POMT1: variants seen among roughly 807,000 people sequenced by gnomAD.
The protein encoded by POMT1 is protein O-mannosyltransferase 1.
In POMT1, 85 loss-of-function variants were observed where a neutral mutation model predicts 101.6. The observed-to-expected ratio is 0.84, with a 90% CI of 0.70 to 1.00. POMT1 has a LOEUF of 1.00. Among genes scored for constraint, POMT1 ranks in the 50% least tolerant of loss-of-function variants. The pLI, the probability that POMT1 is intolerant of heterozygous loss-of-function variation, is 0.00. For synonymous variants in POMT1, 371 were observed against 383.0 expected, an observed-to-expected ratio of 0.97 and a Z score of 0.37; for missense variants, 857 against 930.4, an observed-to-expected ratio of 0.92 and a Z score of 1.03.
intron 6 of POMT1, 70 bp downstream of exon 6, chr9:131,509,092 G>A (rs535678017): frequency 1.8e-6 from 2 of 1,097,566 alleles, no homozygotes; most frequent in East Asian, 2.4e-5. Flanking sequence ...ATCTGAGATG[G>A]TCCAGTACCT....
chr9:131,517,091 T>C (rs563004433), intron 13 of POMT1: 1 of 152,494 alleles, frequency 6.6e-6, no homozygotes, highest in South Asian at 2.1e-4. Context: ...CTTATTTCCA[T>C]AGTGAGGTCA....
chr9:131,511,562 G>A (rs1947120281), intron 10 of POMT1, 95 bp downstream of exon 10: 1 of 1,544,052 alleles, frequency 6.5e-7, no homozygotes, highest in Non-Finnish European at 8.9e-7. Flanking sequence ...GAGGAAGTTT[G>A]TTTGCAGGAC....
At chr9:131,520,449 G>T (rs561271471) in intron 17 of POMT1, among the ~76,000 whole-genome samples, 3 of 152,298 alleles carry the variant, frequency 2.0e-5, no homozygotes, top group African/African-American at 4.8e-5. Context: ...TTTTCCTGGC[G>T]AAAGTGGTTT....
chr9:131,507,261 A>G, intron 4 of POMT1, 107 bp from the exon 5 acceptor site: 2 of 1,562,326 alleles, frequency 1.3e-6, no homozygotes, highest in Non-Finnish European at 1.8e-6. Context: ...GTAAACGTGC[A>G]TTTTAGAGTC....
In POMT1 at chr9:131,507,349, A is replaced by G; in HGVS notation, c.281-19A>G. The G allele has an allele frequency of 3.1e-6, 5 of 1,614,014 alleles. No individual in the cohort carries two copies. The highest frequency in any genetic ancestry group is 4.2e-6 in the Non-Finnish European group (5 of 1,180,034). On this transcript the variant is annotated intron_variant, in intron 4 of 19. Transcript: ENST00000402686. ...GTGTGCACAGTGTAGTCAGCTCTGCAGTGTGGTTGCTTTTCCAGAATACAG... is the reference window on the plus strand; with the variant it reads ...GTGTGCACAGTGTAGTCAGCTCTGCGGTGTGGTTGCTTTTCCAGAATACAG...
intron 2 of POMT1, among the ~76,000 whole-genome samples, chr9:131,505,488 C>T (rs555246775): frequency 2.0e-5 from 3 of 151,930 alleles, no homozygotes; most frequent in Non-Finnish European, 4.4e-5. Context: ...ATCTTGAACT[C>T]CTGACCTTGT....
intron 4 of POMT1, among the ~76,000 whole-genome samples, chr9:131,507,099 G>A (rs1352091537): frequency 6.6e-6 from 1 of 151,952 alleles, no homozygotes; most frequent in Non-Finnish European, 1.5e-5. Flanking sequence ...AAGAAAACAG[G>A]GAGGGTAAAT....
intron 13 of POMT1, among the ~76,000 whole-genome samples, chr9:131,517,162 G>GT (rs1948867339): frequency 6.6e-6 from 1 of 151,794 alleles, no homozygotes; most frequent in South Asian, 2.1e-4. Context: ...GCTCAGCCCT[G>GT]TTTCGCTTGA....
At chr9:131,511,865 T>G in intron 10 of POMT1, 176 bp from the exon 11 acceptor site, 1 of 694,524 alleles carries the variant, frequency 1.4e-6, no homozygotes, top group Middle Eastern at 3.3e-4. Context: ...GATACGTTTC[T>G]TTCCCTTTCT....
rs920955919 is a variant in POMT1 at position 131,519,432 on chromosome 9, G to A, written c.1530G>A (p.Ala510=). ...GGGAACGGGAGCTGCACTCACCTGC[G>A]CAGGTGGACGTCAGCAGGAACCTCA... The part of the protein sequence containing the change: ...RERERELHSP[A]QVDVSRNLSF... Residue 510 remains alanine, a synonymous_variant, in exon 16 of 20, where the codon GCG becomes GCA. Transcript: ENST00000402686. This position sits in a 1 kb window ranked among gnomAD's most constrained non-coding sequence, Gnocchi z 4.3. 3.2e-6 allele frequency: 5 copies of A among 1,551,750 alleles called. No individual in the cohort carries two copies. The highest frequency in any genetic ancestry group is 2.7e-5 in the African/African-American group (2 of 73,132).
At chr9:131,518,226 G>A (rs141591494) in intron 13 of POMT1, 4 of 662,230 alleles carry the variant, frequency 6.0e-6, no homozygotes, top group East Asian at 3.0e-5. Flanking sequence ...CCTTGGCGAG[G>A]AGGAGGGTGC....
In POMT1 at chr9:131,504,329, G is replaced by A. The variant is rs761641734; in HGVS notation, c.111G>A (p.Pro37=). Residue 37 remains proline, a synonymous_variant, in exon 2 of 20, where the codon CCG becomes CCA. Coordinates refer to ENST00000402686, the MANE Select transcript of POMT1 (RefSeq NM_001077365.2). The part of the protein sequence containing the change: ...LLSRLWRLTY[P]RAVVFDEVYY... ...GCCGGCTGTGGCGACTCACCTACCCGCGGGCTGTGGTGTAAGCTAAATGAC... is the reference window on the plus strand; with the variant it reads ...GCCGGCTGTGGCGACTCACCTACCCACGGGCTGTGGTGTAAGCTAAATGAC... 9 of 1,614,096 alleles carry A rather than the reference G, an allele frequency of 5.6e-6. No homozygotes were observed. Among genetic ancestry groups the A allele is most frequent in the Non-Finnish European group, 6.8e-6 (8 of 1,180,044 alleles).
chr9:131,511,596 T>G, intron 10 of POMT1, 129 bp downstream of exon 10: 24 of 1,237,466 alleles, frequency 1.9e-5, no homozygotes, highest in Non-Finnish European at 2.5e-5. Context: ...GCAGCCCGGG[T>G]GCTGATTGCC....
Position 131,519,222 on chromosome 9 carries a change from C to T in POMT1, c.1487-167C>T, listed in dbSNP as rs561384009. On this transcript the variant is annotated intron_variant, in intron 15 of 19. Coordinates refer to ENST00000402686, the MANE Select transcript of POMT1 (RefSeq NM_001077365.2). This position sits in a 1 kb window ranked among gnomAD's most constrained non-coding sequence, Gnocchi z 4.3. ...CAGGGTCGAAATCACCTCATTTGAC[C>T]GGGCAGTCTTGGGTGTGGTGGGGAA... Among the ~76,000 whole-genome samples the T allele has an allele frequency of 5.9e-4, 90 of 152,304 alleles. No individual in the cohort carries two copies. Among genetic ancestry groups the T allele is most frequent in the African/African-American group, 1.9e-3 (79 of 41,554 alleles).
rs119462982 is a variant in POMT1, at chr9:131,509,801, G to C, written c.598G>C (p.Ala200Pro). Residue 200 changes from alanine to proline, a missense_variant, in exon 7 of 20, where the codon GCA (alanine) becomes CCA (proline). Physicochemically the swap from Ala to Pro is conservative, Grantham distance 27 (BLOSUM62 -1). Transcript: ENST00000402686. The part of the protein sequence containing the change: ...LTLTGVACSC[A>P]VGIKYMGVFT... Reference sequence around the variant, plus strand: ...ACTGACAGGGGTCGCTTGTTCCTGTGCAGTGGGGTGAGTTTGAGCCTCTGG... The same window carrying C: ...ACTGACAGGGGTCGCTTGTTCCTGTCCAGTGGGGTGAGTTTGAGCCTCTGG... The C allele has an allele frequency of 5.0e-6, 8 of 1,614,224 alleles. No individual in the cohort carries two copies. Among genetic ancestry groups the C allele is most frequent in the Non-Finnish European group, 4.2e-6 (5 of 1,180,046 alleles).
intron 11 of POMT1, 146 bp from the exon 12 acceptor site, chr9:131,513,093 T>C (rs1301908675): frequency 1.4e-6 from 1 of 701,310 alleles, no homozygotes; most frequent in South Asian, 1.5e-5. Context: ...GTCTGTGCTT[T>C]GGTTTCCTGT....
intron 7 of POMT1, 23 bp from the exon 8 acceptor site, chr9:131,509,880 C>A: frequency 1.9e-6 from 3 of 1,614,172 alleles, no homozygotes; most frequent in Non-Finnish European, 2.5e-6. Flanking sequence ...CATGTTAACT[C>A]CATTTCTGTC....
At chr9:131,512,416 C>A (rs562865960) in intron 11 of POMT1, among the ~76,000 whole-genome samples, 5 of 152,132 alleles carry the variant, frequency 3.3e-5, no homozygotes, top group Admixed American at 6.5e-5. Flanking sequence ...CAAGAACCCC[C>A]CTCCTGCAAA....
intron 9 of POMT1, 167 bp downstream of exon 9, chr9:131,510,582 C>T (rs1311125291): frequency 1.0e-6 from 1 of 957,350 alleles, no homozygotes; most frequent in Non-Finnish European, 1.6e-6. Context: ...CTCTGTCACC[C>T]AAACTCCGCC....
Sources: allele counts gnomAD v4.1 joint callset (sites outside exome capture counted in the v4.1 genomes callset), GRCh38; gene constraint gnomAD v4.1.1; non-coding constraint Gnocchi (gnomAD v3.1); transcripts MANE v1.5; gene names NCBI Gene and HGNC (gene_info 2026-07-23, HGNC 2026-07-21).